INPP5A: variants seen among roughly 807,000 people sequenced by gnomAD.
INPP5A encodes inositol polyphosphate-5-phosphatase A, also known as 43 kDa inositol polyphosphate 5-phophatase.
A neutral mutation model predicts 65.2 loss-of-function variants in INPP5A; 14 were observed. That is an observed-to-expected ratio of 0.21 (90% CI 0.14 to 0.34). INPP5A has a LOEUF of 0.34. Among genes scored for constraint, INPP5A ranks in the 10% least tolerant of loss-of-function variants. INPP5A has a pLI of 1.00. For missense variants in INPP5A, 431 were observed against 545.6 expected, an observed-to-expected ratio of 0.79 and a Z score of 2.09; for synonymous variants, 207 against 208.3, an observed-to-expected ratio of 0.99 and a Z score of 0.05.
intron 11 of INPP5A, among the ~76,000 whole-genome samples, chr10:132,760,884 G>C (rs1846721041): frequency 1.3e-5 from 2 of 152,236 alleles, no homozygotes; most frequent in African/African-American, 4.8e-5. Context: ...TGCATCTCGG[G>C]ACACAGCAGG....
chr10:132,613,279 C>T (rs556713344), intron 2 of INPP5A, among the ~76,000 whole-genome samples: 59 of 144,086 alleles, frequency 4.1e-4, no homozygotes, highest in South Asian at 1.8e-3. Flanking sequence ...CGAGTCCCCC[C>T]GCAGGGCCCC....
chr10:132,749,008 G>A (rs551175834), intron 9 of INPP5A, among the ~76,000 whole-genome samples: 41 of 152,356 alleles, frequency 2.7e-4, no homozygotes, highest in African/African-American at 8.7e-4. Context: ...CAAAGCAGGC[G>A]TGTGACCTCA....
In INPP5A at chr10:132,644,464, G is replaced by A. The variant is rs991042481; in HGVS notation, c.118-1404G>A. Among the ~76,000 whole-genome samples, 14 of 152,222 alleles carry A rather than the reference G, an allele frequency of 9.2e-5. No homozygotes were observed. Among genetic ancestry groups the A allele is most frequent in the Admixed American group, 2.0e-4 (3 of 15,290 alleles). On this transcript the variant is annotated intron_variant, in intron 2 of 15. Coordinates refer to ENST00000368594, the MANE Select transcript of INPP5A (RefSeq NM_005539.5). This position sits in a 1 kb window ranked among gnomAD's most constrained non-coding sequence, Gnocchi z 6.5. ...ATTTCTGTCTCCCCAGCCTGAGCCC[G>A]TCGTCCCTTGCTGGCTGCCCACTTG...
In INPP5A at chr10:132,703,040, C is replaced by T. The variant is rs112471103; in HGVS notation, c.474+5121C>T. 3.4e-3 allele frequency among the ~76,000 whole-genome samples: 515 copies of T among 152,218 alleles called. 2 individuals carry two copies. The highest frequency in any genetic ancestry group is 0.012 in the African/African-American group (497 of 41,526). ...AGCCCACACACCGGGGTTGGGACTC[C>T]CCTCCCTCCCGTTGGGTGCCCCCCA... On this transcript the variant is annotated intron_variant, in intron 6 of 15. Transcript: ENST00000368594.
At chr10:132,582,922 T>C (rs1288878762) in intron 1 of INPP5A, among the ~76,000 whole-genome samples, 2 of 152,186 alleles carry the variant, frequency 1.3e-5, no homozygotes, top group Admixed American at 1.3e-4. Context: ...TCCAGGCCTG[T>C]TGCATTCCGA....
In INPP5A at chr10:132,741,477, T is replaced by A. The variant is rs1176107808; in HGVS notation, c.733-8040T>A. Reference sequence around the variant, plus strand: ...CTCATCCTTGGAACCCCAGCCTGCATTGCACCCAGAAGAGGATACCCCCGA... The same window carrying A: ...CTCATCCTTGGAACCCCAGCCTGCAATGCACCCAGAAGAGGATACCCCCGA... On this transcript the variant is annotated intron_variant, in intron 9 of 15. Coordinates refer to ENST00000368594, the MANE Select transcript of INPP5A (RefSeq NM_005539.5). This position sits in a 1 kb window ranked among gnomAD's most constrained non-coding sequence, Gnocchi z 4.4. Among the ~76,000 whole-genome samples, 1 of 152,138 alleles carries A rather than the reference T, an allele frequency of 6.6e-6. No homozygotes were observed. The highest frequency in any genetic ancestry group is 1.5e-5 in the Non-Finnish European group (1 of 68,026).
intron 9 of INPP5A, among the ~76,000 whole-genome samples, chr10:132,746,816 C>A (rs561819473): frequency 6.6e-6 from 1 of 152,232 alleles, no homozygotes; most frequent in African/African-American, 2.4e-5. Flanking sequence ...GTAGGCGAGC[C>A]GGAAAGGCCC....
chr10:132,642,136 TCGTCTGCGGTCTGGGGACAGCCTGGAGCC>T (rs1194219882), intron 2 of INPP5A, among the ~76,000 whole-genome samples: 197 of 151,960 alleles, frequency 1.3e-3, no homozygotes, highest in African/African-American at 4.4e-3. Flanking sequence ...AGCCTGGAGC[TCGTCTGCGGTCTGGGGACAGCCTGGAGCC>T]CGTCTGCGGT....
intron 1 of INPP5A, among the ~76,000 whole-genome samples, chr10:132,542,648 G>A (rs1041279893): frequency 2.0e-5 from 3 of 152,164 alleles, no homozygotes; most frequent in African/African-American, 7.2e-5. Flanking sequence ...TGCACAGCAG[G>A]GCCCAGGGCT....
rs907611385 is a variant in INPP5A, at chr10:132,762,843, A to T, written c.904-2930A>T. Among the ~76,000 whole-genome samples, 1 of 152,092 alleles carries T rather than the reference A, an allele frequency of 6.6e-6. No individual in the cohort carries two copies. The highest frequency in any genetic ancestry group is 1.5e-5 in the Non-Finnish European group (1 of 68,004). On this transcript the variant is annotated intron_variant, in intron 11 of 15. Transcript: ENST00000368594. This position sits in a 1 kb window ranked among gnomAD's most constrained non-coding sequence, Gnocchi z 4.6. ...CCGTCTCTACAAAAAATAAAGACTT[A>T]GCAGGAGTGGTGGCACACGCCTGTA... is the stretch of plus-strand genomic sequence containing the variant.
At chr10:132,703,135 G>A (rs1025487178) in intron 6 of INPP5A, among the ~76,000 whole-genome samples, 2 of 152,140 alleles carry the variant, frequency 1.3e-5, no homozygotes, top group Non-Finnish European at 1.5e-5. Flanking sequence ...TTCCCCTGCG[G>A]TCACCCCTGT....
chr10:132,739,347 T>A (rs1026452638), intron 9 of INPP5A, among the ~76,000 whole-genome samples: 4 of 152,066 alleles, frequency 2.6e-5, no homozygotes, highest in African/African-American at 9.7e-5. Context: ...CTGGCCGGGG[T>A]CCCTCTGCCA....
rs1375094403 is a variant in INPP5A at position 132,551,071 on chromosome 10, C to T, written c.75+12900C>T. 3.3e-5 allele frequency among the ~76,000 whole-genome samples: 5 copies of T among 152,238 alleles called. 1 individual carries two copies. The highest frequency in any genetic ancestry group is 3.3e-4 in the Admixed American group (5 of 15,288). ...GCCACACGCTGCTTGGTCCAGGTTC[C>T]TGCCTGAGCCCACTGAGCAGATGAT... On this transcript the variant is annotated intron_variant, in intron 1 of 15. Transcript: ENST00000368594. The surrounding 1 kb of genome is among the most constrained non-coding windows in gnomAD (Gnocchi z 5.3).
rs1170248474 is a variant in INPP5A, at chr10:132,546,993, G to A, written c.75+8822G>A. On this transcript the variant is annotated intron_variant, in intron 1 of 15. Coordinates refer to ENST00000368594, the MANE Select transcript of INPP5A (RefSeq NM_005539.5). This position sits in a 1 kb window ranked among gnomAD's most constrained non-coding sequence, Gnocchi z 5.7. ...CTTCCTTTCTGCGTCCTCCCCTCTC[G>A]GGGTCCCGCATGACTGGTCCTCATT... is the stretch of plus-strand genomic sequence containing the variant. Among the ~76,000 whole-genome samples the A allele has an allele frequency of 1.3e-5, 2 of 152,212 alleles. No individual in the cohort carries two copies. Among genetic ancestry groups the A allele is most frequent in the African/African-American group, 2.4e-5 (1 of 41,472 alleles).
At position 132,695,917 on chromosome 10, in the gene INPP5A, C is replaced by T. The variant is rs562737497; in HGVS notation, c.371-1899C>T. Among the ~76,000 whole-genome samples the T allele has an allele frequency of 3.0e-4, 45 of 152,268 alleles. No homozygotes were observed. The South Asian group carries it at 8.7e-3, about 29-fold the overall frequency. ...GTTGGAAAGTAGGTGCCCCCCACCC[C>T]CAAATTCATCTGCTGACCTCCTAAC... On this transcript the variant is annotated intron_variant, in intron 5 of 15. Transcript: ENST00000368594.
Position 132,549,414 on chromosome 10 carries a change from C to G in INPP5A, c.75+11243C>G, listed in dbSNP as rs2071022251. 6.6e-6 allele frequency among the ~76,000 whole-genome samples: 1 copy of G among 152,198 alleles called. No homozygotes were observed. The highest frequency in any genetic ancestry group is 1.5e-5 in the Non-Finnish European group (1 of 68,038). On this transcript the variant is annotated intron_variant, in intron 1 of 15. Transcript: ENST00000368594. The surrounding 1 kb of genome is among the most constrained non-coding windows in gnomAD (Gnocchi z 4.9). ...CTTTTTAATTATGGCTGTGTGGTGG[C>G]ATCTTGCGGTTTAACTTGCATTTCT...
At chr10:132,725,089 A>T (rs950715832) in intron 8 of INPP5A, among the ~76,000 whole-genome samples, 2 of 150,206 alleles carry the variant, frequency 1.3e-5, no homozygotes, top group Non-Finnish European at 2.9e-5. Flanking sequence ...ACTCACAGGG[A>T]GGCCCCTGGA....
intron 11 of INPP5A, among the ~76,000 whole-genome samples, chr10:132,759,568 C>T (rs1222585044): frequency 6.6e-6 from 1 of 151,992 alleles, no homozygotes; most frequent in Non-Finnish European, 1.5e-5. Flanking sequence ...TCGGAAGTTC[C>T]AGTAGGTGGG....
intron 4 of INPP5A, among the ~76,000 whole-genome samples, chr10:132,652,390 C>T (rs2072589154): frequency 6.6e-6 from 1 of 152,240 alleles, no homozygotes; most frequent in Non-Finnish European, 1.5e-5. Flanking sequence ...AGGAGGCAGA[C>T]AGGGTGATGC....
Sources: gnomAD v4.1 joint callset for allele counts (sites outside exome capture counted in the v4.1 genomes callset) on GRCh38, gnomAD v4.1.1 for gene constraint, Gnocchi (gnomAD v3.1) non-coding constraint, MANE v1.5 for transcripts, NCBI Gene and HGNC (gene_info 2026-07-23, HGNC 2026-07-21) for gene names.